Variants in PRKCG observed in about 807,000 individuals in gnomAD.
PRKCG encodes the protein protein kinase C gamma.
PRKCG carries 28 observed loss-of-function variants against 82.0 expected under a neutral mutation model. The observed-to-expected ratio is 0.34, with a 90% CI of 0.25 to 0.47. The LOEUF (loss-of-function observed/expected upper bound fraction) is 0.47. Ranked by LOEUF, PRKCG falls within the 20% of genes least tolerant of loss-of-function variation. The pLI is 1.00. For synonymous variants in PRKCG, 383 were observed against 376.6 expected, an observed-to-expected ratio of 1.02 and a Z score of -0.20; for missense variants, 640 against 952.7, an observed-to-expected ratio of 0.67 and a Z score of 4.32.
intron 9 of PRKCG, among the ~76,000 whole-genome samples, chr19:53,895,644 C>G (rs2068712640): frequency 6.6e-6 from 1 of 152,172 alleles, no homozygotes. Context: ...AGAGTGCTTG[C>G]TTTTAAAAGC....
intron 9 of PRKCG, among the ~76,000 whole-genome samples, chr19:53,894,505 G>A (rs924597115): frequency 1.3e-5 from 2 of 150,714 alleles, no homozygotes; most frequent in African/African-American, 4.9e-5. Flanking sequence ...TGTCACCCAG[G>A]TTGGAGTGCA....
chr19:53,887,062 T>C (rs2068636293), intron 3 of PRKCG, among the ~76,000 whole-genome samples: 1 of 152,008 alleles, frequency 6.6e-6, no homozygotes, highest in African/African-American at 2.4e-5. Context: ...ACTCGGGGGT[T>C]TTTTTGTTTT....
rs1412234380 is a variant in PRKCG at position 53,905,989 on chromosome 19, CTCTCT to C, written c.1765-327_1765-323del. Among the ~76,000 whole-genome samples, 6 of 117,960 alleles carry C rather than the reference CTCTCT, an allele frequency of 5.1e-5. No homozygotes were observed. In the South Asian group the frequency reaches 1.6e-3, roughly 32 times the overall value. The allele number at this position is 117,960 out of a possible 152,430, so 77.4% of individuals were successfully genotyped here. ...CTCTGTCCCTCTTCCTCTCTCTCTC[CTCTCT>C]GTCTCTCTCTGTCTCGCTCTCTGTC... On this transcript the variant is annotated intron_variant, in intron 16 of 17. Transcript: ENST00000263431.
In PRKCG at chr19:53,906,879, C is replaced by T; in HGVS notation, c.2078C>T (p.Pro693Leu). The T allele has an allele frequency of 6.2e-7, 1 of 1,613,560 alleles. No homozygotes were observed. ...PDARSPTSPV[P>L]VPVM ...GCCCGCAGCCCCACCAGCCCAGTGCCTGTGCCCGTCATGTAATCTCACCCG... is the reference window on the plus strand; with the variant it reads ...GCCCGCAGCCCCACCAGCCCAGTGCTTGTGCCCGTCATGTAATCTCACCCG... Residue 693 changes from proline (P) to leucine (L), a missense_variant, in exon 18 of 18, where the codon CCT (proline) becomes CTT (leucine). Pro to Leu is a moderately conservative substitution (Grantham distance 98). Coordinates refer to ENST00000263431, the MANE Select transcript of PRKCG (RefSeq NM_002739.5).
chr19:53,906,546 T>C, intron 17 of PRKCG, 89 bp downstream of exon 17: 2 of 1,570,870 alleles, frequency 1.3e-6, no homozygotes, highest in South Asian at 2.3e-5. Context: ...GGGGTGGGGT[T>C]CCCTCTGCAG....
At chr19:53,895,088 C>T (rs968935640) in intron 9 of PRKCG, among the ~76,000 whole-genome samples, 3 of 152,152 alleles carry the variant, frequency 2.0e-5, no homozygotes, top group Non-Finnish European at 4.4e-5. Context: ...CTTTGTGTGC[C>T]AGGCGTGGCT....
At chr19:53,899,591 CTT>C (rs11456997) in intron 11 of PRKCG, among the ~76,000 whole-genome samples, 4 of 145,272 alleles carry the variant, frequency 2.8e-5, no homozygotes, top group Non-Finnish European at 1.5e-5. Context: ...ACTTTGATTC[CTT>C]TTTTTTTTTT....
At position 53,900,775 on chromosome 19, in the gene PRKCG, C is replaced by A. The variant is rs917061612; in HGVS notation, c.1575+26C>A. The A allele has an allele frequency of 2.6e-5, 42 of 1,613,892 alleles. No individual in the cohort carries two copies. The highest frequency in any genetic ancestry group is 3.5e-5 in the Non-Finnish European group (41 of 1,180,044). ...GTAACCCCAACCCTGCTGCTCTGGT[C>A]ACGCTTTGAGATCCCTTAGAGGGTG... On this transcript the variant is annotated intron_variant, in intron 14 of 17. Coordinates refer to ENST00000263431, the MANE Select transcript of PRKCG (RefSeq NM_002739.5). The surrounding 1 kb of genome is among the most constrained non-coding windows in gnomAD (Gnocchi z 4.2).
At chr19:53,901,849 C>CAAA (rs752402468) in intron 14 of PRKCG, among the ~76,000 whole-genome samples, 4,576 of 68,900 alleles carry the variant, frequency 0.066, 286 homozygotes, top group African/African-American at 0.17. Context: ...GACCCTGTCT[C>CAAA]AAAAAAAAAA....
chr19:53,901,682 T>C (rs544695404), intron 14 of PRKCG, among the ~76,000 whole-genome samples: 165 of 149,444 alleles, frequency 1.1e-3, no homozygotes, highest in African/African-American at 3.9e-3. Context: ...AAACTCCATC[T>C]CTACTAAAAA....
At chr19:53,887,286 T>C (rs972774926) in intron 3 of PRKCG, among the ~76,000 whole-genome samples, 2 of 150,706 alleles carry the variant, frequency 1.3e-5, no homozygotes, top group African/African-American at 4.9e-5. Flanking sequence ...TCACCTGAGG[T>C]TGGGAGTTCG....
chr19:53,892,766 ACACACACACACACACGCACACACACG>A lies in PRKCG; in HGVS notation c.821+131_821+156del, dbSNP rs1214769740. ...TCCCAGCATGCGCACACACACACAC[ACACACACACACACACGCACACACACG>A]CACACACCCCTCTCTCTCTATTCTT... On this transcript the variant is annotated intron_variant, in intron 7 of 17. Transcript: ENST00000263431. The surrounding 1 kb of genome is among the most constrained non-coding windows in gnomAD (Gnocchi z 5.9). 464 of 1,206,746 alleles carry A rather than the reference ACACACACACACACACGCACACACACG, an allele frequency of 3.8e-4. No homozygotes were observed. In the African/African-American group the frequency reaches 6.3e-3, roughly 16 times the overall value. 74.8% of individuals were successfully genotyped at this position (1,206,746 alleles called of 1,614,324 possible). A position where few individuals can be genotyped will look rare whatever the true frequency, so the allele number is the denominator to read the frequency against.
chr19:53,905,484 G>A (rs896216319), intron 16 of PRKCG, among the ~76,000 whole-genome samples: 3 of 151,524 alleles, frequency 2.0e-5, no homozygotes, highest in African/African-American at 4.9e-5. Context: ...CCCTCTGGGT[G>A]TGTGTTTCCT....
At chr19:53,898,715 A>G in intron 11 of PRKCG, 87 bp downstream of exon 11, 1 of 1,199,716 alleles carries the variant, frequency 8.3e-7, no homozygotes. Context: ...GTTTAGGGCG[A>G]GGCAAGAGAA....
At chr19:53,906,151 T>TTCCTCCCTCCATTTGCCTGTTTCCCC (rs2068808619) in intron 16 of PRKCG, among the ~76,000 whole-genome samples, 166 bp from the exon 17 acceptor site, 1 of 142,538 alleles carries the variant, frequency 7.0e-6, no homozygotes, top group Non-Finnish European at 1.5e-5. Flanking sequence ...TTCTTTTCCC[T>TTCCTCCCTCCATTTGCCTGTTTCCCC]TCCTCCCTCC....
At chr19:53,894,232 A>AT (rs1476398776) in intron 9 of PRKCG, among the ~76,000 whole-genome samples, 2 of 149,892 alleles carry the variant, frequency 1.3e-5, no homozygotes, top group East Asian at 4.0e-4. Context: ...TGCCCGGCTA[A>AT]TTTTTTGTAT....
At chr19:53,887,469 C>T (rs1244224557) in intron 3 of PRKCG, among the ~76,000 whole-genome samples, 1 of 121,568 alleles carries the variant, frequency 8.2e-6, no homozygotes, top group Non-Finnish European at 1.6e-5. Flanking sequence ...TGCACTCCAG[C>T]CTGGGCAGCA....
chr19:53,894,180 A>C (rs565171560), intron 9 of PRKCG, among the ~76,000 whole-genome samples: 89 of 150,966 alleles, frequency 5.9e-4, no homozygotes, highest in Middle Eastern at 3.5e-3. Context: ...ATTCTCCTGC[A>C]TCAGCCTCCT....
rs764563034 is a variant in PRKCG at position 53,889,785 on chromosome 19, G to A, written c.397+36G>A. The A allele has an allele frequency of 8.1e-6, 13 of 1,605,488 alleles. No individual in the cohort carries two copies. The highest frequency in any genetic ancestry group is 3.3e-5 in the South Asian group (3 of 89,820). On this transcript the variant is annotated intron_variant, in intron 4 of 17. Coordinates refer to ENST00000263431, the MANE Select transcript of PRKCG (RefSeq NM_002739.5). The surrounding 1 kb of genome is among the most constrained non-coding windows in gnomAD (Gnocchi z 4.4). ...TGGGCCTTGCCAGGGCCCTTCCAAA[G>A]CGCCCGGTCTGGGTTCCGGGAAATG...
Sources: allele counts gnomAD v4.1 joint callset (sites outside exome capture counted in the v4.1 genomes callset), GRCh38; gene constraint gnomAD v4.1.1; non-coding constraint Gnocchi (gnomAD v3.1); transcripts MANE v1.5; gene names NCBI Gene and HGNC (gene_info 2026-07-23, HGNC 2026-07-21).